LRRN2: variants seen among roughly 807,000 people sequenced by gnomAD.
LRRN2 encodes leucine-rich repeat neuronal protein 2.
LRRN2 carries 10 observed loss-of-function variants against 35.7 expected under a neutral mutation model. The observed-to-expected ratio is 0.28, with a 90% confidence interval of 0.17 to 0.47. The LOEUF (loss-of-function observed/expected upper bound fraction) is 0.47. Ranked by LOEUF, LRRN2 falls within the 20% of genes least tolerant of loss-of-function variation. The pLI, the probability that LRRN2 is intolerant of heterozygous loss-of-function variation, is 0.99. For missense variants in LRRN2, 731 were observed against 940.3 expected, an observed-to-expected ratio of 0.78 and a Z score of 2.91; for synonymous variants, 391 against 409.6, an observed-to-expected ratio of 0.95 and a Z score of 0.55.
At chr1:204,633,088 T>C (rs1268142686) in intron 1 of LRRN2, 1 of 152,082 alleles carries the variant, frequency 6.6e-6, no homozygotes, top group Non-Finnish European at 1.5e-5. Context: ...AAGAAATAAA[T>C]TACTGTTTTA....
chr1:204,684,497 C>T (rs1462222809), intron 1 of LRRN2, among the ~76,000 whole-genome samples: 1 of 152,194 alleles, frequency 6.6e-6, no homozygotes, highest in Non-Finnish European at 1.5e-5. Flanking sequence ...TTAGCTTCTC[C>T]GCTCGGCCCC....
chr1:204,646,783 T>C (rs1347370940), intron 1 of LRRN2, among the ~76,000 whole-genome samples: 1 of 152,278 alleles, frequency 6.6e-6, no homozygotes, highest in African/African-American at 2.4e-5. Context: ...CCTGTTTCTT[T>C]TGACCTCTTT....
intron 1 of LRRN2, among the ~76,000 whole-genome samples, chr1:204,643,727 T>C (rs1382897002): frequency 6.6e-6 from 1 of 151,976 alleles, no homozygotes; most frequent in Non-Finnish European, 1.5e-5. Context: ...GACAGCCTTC[T>C]AATGATGAAG....
intron 1 of LRRN2, among the ~76,000 whole-genome samples, chr1:204,671,482 T>A (rs1668711149): frequency 1.4e-5 from 2 of 147,950 alleles, no homozygotes; most frequent in Non-Finnish European, 3.0e-5. Flanking sequence ...AAGAAGCAGA[T>A]AAAGCAATTA....
At chr1:204,649,841 G>A (rs1458933065) in intron 1 of LRRN2, among the ~76,000 whole-genome samples, 1 of 152,188 alleles carries the variant, frequency 6.6e-6, no homozygotes, top group African/African-American at 2.4e-5. Context: ...GGGGTATGGG[G>A]AGAGCAAGGC....
chr1:204,637,225 G>A (rs1667857147), intron 1 of LRRN2, among the ~76,000 whole-genome samples: 1 of 152,192 alleles, frequency 6.6e-6, no homozygotes, highest in Non-Finnish European at 1.5e-5. Context: ...ACTTCTGAAG[G>A]AAAAATCCAT....
At chr1:204,644,088 C>A (rs1668045985) in intron 1 of LRRN2, among the ~76,000 whole-genome samples, 1 of 152,156 alleles carries the variant, frequency 6.6e-6, no homozygotes, top group Non-Finnish European at 1.5e-5. Flanking sequence ...TGGGCAGGGA[C>A]ATGCATGCCT....
intron 1 of LRRN2, among the ~76,000 whole-genome samples, chr1:204,662,197 A>G (rs1427799558): frequency 6.6e-6 from 1 of 152,164 alleles, no homozygotes; most frequent in Admixed American, 6.5e-5. Flanking sequence ...TGGCACTTCC[A>G]TAGACAAATG....
At chr1:204,634,176 A>G (rs537286043) in intron 1 of LRRN2, among the ~76,000 whole-genome samples, 6 of 152,356 alleles carry the variant, frequency 3.9e-5, no homozygotes, top group South Asian at 2.1e-4. Context: ...AAGCCCACCT[A>G]TATTTCATGA....
intron 1 of LRRN2, among the ~76,000 whole-genome samples, chr1:204,653,873 A>AT (rs1177836182): frequency 1.3e-5 from 2 of 151,124 alleles, no homozygotes; most frequent in East Asian, 3.9e-4. Flanking sequence ...AAAAAAAAAA[A>AT]AAAGAAAAAC....
chr1:204,667,101 C>T (rs12568574), intron 1 of LRRN2, among the ~76,000 whole-genome samples: 26,131 of 151,810 alleles, frequency 0.17, 2,574 homozygotes, highest in East Asian at 0.39. Flanking sequence ...GATGGGGTAG[C>T]GTGGCTATAC....
At chr1:204,628,018 C>T (rs574699107) in intron 1 of LRRN2, 1 of 152,408 alleles carries the variant, frequency 6.6e-6, no homozygotes, top group Non-Finnish European at 1.5e-5. Flanking sequence ...CTGGCTATTT[C>T]AGAGCTCAGG....
At chr1:204,670,509 C>T (rs1668684328) in intron 1 of LRRN2, among the ~76,000 whole-genome samples, 1 of 152,154 alleles carries the variant, frequency 6.6e-6, no homozygotes. Flanking sequence ...AACTAGGAAG[C>T]TGGGTGTCAT....
At chr1:204,660,566 C>A (rs1383256844) in intron 1 of LRRN2, among the ~76,000 whole-genome samples, 1 of 137,140 alleles carries the variant, frequency 7.3e-6, no homozygotes, top group Non-Finnish European at 1.6e-5. Flanking sequence ...CACACACACA[C>A]ACACACACAC....
intron 1 of LRRN2, among the ~76,000 whole-genome samples, chr1:204,684,647 G>C (rs1182638510): frequency 6.6e-6 from 1 of 152,142 alleles, no homozygotes; most frequent in Non-Finnish European, 1.5e-5. Flanking sequence ...GGTGGGCTCA[G>C]AGCCACCCTT....
At position 204,617,388 on chromosome 1, in the gene LRRN2, T is replaced by TG. The variant is rs1044291866; in HGVS notation, c.*462dup. 2 of 161,968 alleles carry TG rather than the reference T, an allele frequency of 1.2e-5. No homozygotes were observed. The highest frequency in any genetic ancestry group is 4.8e-5 in the African/African-American group (2 of 41,500). 10.0% of individuals were successfully genotyped at this position (161,968 alleles called of 1,614,324 possible). On this transcript the variant is annotated 3_prime_UTR_variant, in exon 2 of 2. Transcript: ENST00000367177. ...CTCCCAAATGTCCTTCAGATCTGGC[T>TG]GGGGTCACTCCCACATTGAGGGCAG...
rs746411617 is a variant in LRRN2, at chr1:204,619,765, C to T, written c.228G>A (p.Leu76=). ...CCACACGGACAATGCTGTTGCTCTG[C>T]AGGAGCAGGGTCTGTGTGCCTGCGG... The part of the protein sequence containing the change: ...ALPAGTQTLL[L]QSNSIVRVDQ... The change falls in exon 2 of 2, where the codon CTG becomes CTA. Residue 76 remains leucine (L), a synonymous_variant. Coordinates refer to ENST00000367177, the MANE Select transcript of LRRN2 (RefSeq NM_201630.2). 1 of 1,614,216 alleles carries T rather than the reference C, an allele frequency of 6.2e-7. No homozygotes were observed. The highest frequency in any genetic ancestry group is 1.1e-5 in the South Asian group (1 of 91,090).
chr1:204,678,074 C>T (rs926884872), intron 1 of LRRN2, among the ~76,000 whole-genome samples: 6 of 152,176 alleles, frequency 3.9e-5, no homozygotes, highest in Admixed American at 1.3e-4. Context: ...AAATCAGCCG[C>T]GCCCCCCTGA....
At chr1:204,622,995 G>A (rs957617882) in intron 1 of LRRN2, among the ~76,000 whole-genome samples, 4 of 152,202 alleles carry the variant, frequency 2.6e-5, no homozygotes, top group Non-Finnish European at 4.4e-5. Context: ...AGGGTCAGGA[G>A]GTTCTCCAGC....
Sources: gnomAD v4.1 joint callset for allele counts (sites outside exome capture counted in the v4.1 genomes callset) on GRCh38, gnomAD v4.1.1 for gene constraint, MANE v1.5 for transcripts, NCBI Gene and HGNC (gene_info 2026-07-23, HGNC 2026-07-21) for gene names.